The following PDE4D variants were observed in gnomAD, a reference collection of about 807,000 sequenced individuals.
PDE4D encodes 3',5'-cyclic-AMP phosphodiesterase 4D.
In PDE4D, 24 loss-of-function variants were observed where a neutral mutation model predicts 87.4. That is an observed-to-expected ratio of 0.27 (90% confidence interval 0.20 to 0.39). PDE4D has a LOEUF of 0.39. Among genes scored for constraint, PDE4D ranks in the 10% least tolerant of loss-of-function variants. The pLI is 1.00. For synonymous variants in PDE4D, 384 were observed against 383.2 expected, an observed-to-expected ratio of 1.00 and a Z score of -0.02; for missense variants, 714 against 1,041.0, an observed-to-expected ratio of 0.69 and a Z score of 4.32.
chr5:60,313,158 T>G (rs1231074616), intron 1 of PDE4D, among the ~76,000 whole-genome samples: 1 of 148,812 alleles, frequency 6.7e-6, no homozygotes, highest in Non-Finnish European at 1.5e-5. Flanking sequence ...TTTGAAAGAA[T>G]AAATAAAATT....
intron 3 of PDE4D, among the ~76,000 whole-genome samples, chr5:59,931,995 G>A (rs1479083743): frequency 6.6e-6 from 1 of 152,066 alleles, no homozygotes; most frequent in African/African-American, 2.4e-5. Context: ...GCCACTGTGG[G>A]GCGCGGCCAT....
chr5:59,340,213 C>A (rs1778473754), intron 1 of PDE4D, among the ~76,000 whole-genome samples: 1 of 152,086 alleles, frequency 6.6e-6, no homozygotes. Flanking sequence ...TAAATTTTAT[C>A]CTTTTAAAGA....
At chr5:59,050,570 T>G (rs573768491) in intron 5 of PDE4D, among the ~76,000 whole-genome samples, 8 of 152,206 alleles carry the variant, frequency 5.3e-5, no homozygotes, top group Non-Finnish European at 1.2e-4. Flanking sequence ...GATAAATTAG[T>G]TTTATAATTT....
chr5:60,433,171 A>G (rs1300472284), intron 1 of PDE4D, among the ~76,000 whole-genome samples: 1 of 152,236 alleles, frequency 6.6e-6, no homozygotes, highest in Non-Finnish European at 1.5e-5. Context: ...AAATATTTAC[A>G]AATTGTGCAT....
chr5:60,435,955 A>C (rs1319622883), intron 1 of PDE4D, among the ~76,000 whole-genome samples: 1 of 152,098 alleles, frequency 6.6e-6, no homozygotes, highest in Non-Finnish European at 1.5e-5. Flanking sequence ...AGGTTTCAGG[A>C]CAATTCAGCT....
intron 1 of PDE4D, among the ~76,000 whole-genome samples, chr5:59,288,670 A>G (rs1322565740): frequency 6.6e-6 from 1 of 152,110 alleles, no homozygotes; most frequent in African/African-American, 2.4e-5. Flanking sequence ...CAAACTCACA[A>G]AGGTCAAAGA....
chr5:60,461,029 C>T (rs992982827), intron 1 of PDE4D, among the ~76,000 whole-genome samples: 10 of 151,728 alleles, frequency 6.6e-5, no homozygotes, highest in Admixed American at 2.0e-4. Context: ...ATACCTTTGG[C>T]GTAATTGTTT....
intron 1 of PDE4D, among the ~76,000 whole-genome samples, chr5:59,767,605 GCAA>G (rs1452358267): frequency 6.6e-6 from 1 of 152,046 alleles, no homozygotes; most frequent in East Asian, 1.9e-4. Context: ...AAAAAGATTG[GCAA>G]AATGTTCTAA....
chr5:59,168,268 A>G (rs1220815999), intron 5 of PDE4D, among the ~76,000 whole-genome samples: 2 of 152,212 alleles, frequency 1.3e-5, no homozygotes, highest in East Asian at 3.9e-4. Flanking sequence ...TAATATTCCC[A>G]GTAGTTGGGG....
At chr5:59,552,236 T>C (rs545054001) in intron 1 of PDE4D, among the ~76,000 whole-genome samples, 2 of 152,232 alleles carry the variant, frequency 1.3e-5, no homozygotes, top group Non-Finnish European at 2.9e-5. Flanking sequence ...GTATTTTATT[T>C]TTTTCATTAT....
At chr5:60,237,204 C>T (rs1746525663) in intron 1 of PDE4D, among the ~76,000 whole-genome samples, 1 of 151,922 alleles carries the variant, frequency 6.6e-6, no homozygotes, top group Admixed American at 6.6e-5. Flanking sequence ...TTTGAAAACT[C>T]TGGAAAATAG....
intron 3 of PDE4D, among the ~76,000 whole-genome samples, chr5:59,944,458 C>T (rs561560962): frequency 3.3e-5 from 5 of 152,244 alleles, no homozygotes; most frequent in African/African-American, 1.2e-4. Context: ...CTGCAAGCTC[C>T]GCCTCCGGGG....
intron 2 of PDE4D, among the ~76,000 whole-genome samples, chr5:60,136,160 A>G (rs1389858588): frequency 6.6e-6 from 1 of 152,152 alleles, no homozygotes; most frequent in Non-Finnish European, 1.5e-5. Context: ...GACTTATCAC[A>G]TATTTGATAC....
At chr5:59,980,568 C>T (rs1761824268) in intron 3 of PDE4D, among the ~76,000 whole-genome samples, 2 of 152,286 alleles carry the variant, frequency 1.3e-5, no homozygotes, top group South Asian at 2.1e-4. Flanking sequence ...AAATAGAAGC[C>T]TTTGATTTCT....
chr5:60,437,576 C>G (rs1744861514), intron 1 of PDE4D, among the ~76,000 whole-genome samples: 2 of 152,196 alleles, frequency 1.3e-5, no homozygotes, highest in South Asian at 4.1e-4. Flanking sequence ...GTAGACTTTT[C>G]CACTGCAATT....
At chr5:59,318,756 G>C (rs2153570156) in intron 1 of PDE4D, among the ~76,000 whole-genome samples, 1 of 152,066 alleles carries the variant, frequency 6.6e-6, no homozygotes. Context: ...ACAATCTCTG[G>C]ATGCATGCTG....
intron 2 of PDE4D, among the ~76,000 whole-genome samples, chr5:60,035,705 T>A (rs1767719573): frequency 6.6e-6 from 1 of 152,134 alleles, no homozygotes; most frequent in Admixed American, 6.6e-5. Context: ...TCCTCCCAAA[T>A]AGGGAGAGTG....
intron 5 of PDE4D, among the ~76,000 whole-genome samples, chr5:59,080,621 A>G (rs376478738): frequency 7.9e-5 from 12 of 152,302 alleles, no homozygotes; most frequent in African/African-American, 2.9e-4. Flanking sequence ...CTCCTTAGGC[A>G]AAAGCTACAG....
chr5:60,388,786 A>G (rs932193676), intron 1 of PDE4D, among the ~76,000 whole-genome samples: 3 of 152,196 alleles, frequency 2.0e-5, no homozygotes, highest in African/African-American at 7.2e-5. Flanking sequence ...CCCCAACATT[A>G]TAACAAGGAT....
Sources: allele counts gnomAD v4.1 joint callset (sites outside exome capture counted in the v4.1 genomes callset), GRCh38; gene constraint gnomAD v4.1.1; transcripts MANE v1.5; gene names NCBI Gene and HGNC (gene_info 2026-07-23, HGNC 2026-07-21).